The following LRRFIP1 variants were observed in gnomAD, a reference collection of about 807,000 sequenced individuals.
The protein encoded by LRRFIP1 is LRR binding FLII interacting protein 1.
A neutral mutation model predicts 104.4 loss-of-function variants in LRRFIP1; 62 were observed. That is an observed-to-expected ratio of 0.59 (90% confidence interval 0.48 to 0.73). The LOEUF is 0.73. Among genes scored for constraint, LRRFIP1 ranks in the 30% least tolerant of loss-of-function variants. The pLI is 0.00. For missense variants in LRRFIP1, 796 were observed against 824.5 expected, an observed-to-expected ratio of 0.97 and a Z score of 0.42; for synonymous variants, 300 against 299.0, an observed-to-expected ratio of 1.00 and a Z score of -0.03.
chr2:237,721,701 T>A (rs898271394), intron 6 of LRRFIP1: 5 of 152,250 alleles, frequency 3.3e-5, no homozygotes, highest in African/African-American at 1.2e-4. Flanking sequence ...GCACTGAGTG[T>A]GCATGTAATT....
At position 237,658,541 on chromosome 2, in the gene LRRFIP1, T is replaced by G. The variant is rs551266703; in HGVS notation, c.96+30801T>G. ...CTGTTTTCATACTACTGTAAAGAAC[T>G]GCCCAAGACTGGGTAATTTATAAAG... On this transcript the variant is annotated intron_variant, in intron 1 of 23. Transcript: ENST00000308482. Among the ~76,000 whole-genome samples the G allele has an allele frequency of 4.6e-5, 7 of 152,334 alleles. No homozygotes were observed. In the South Asian group the frequency reaches 1.4e-3, roughly 32 times the overall value.
At chr2:237,704,372 T>C (rs2093701311) in intron 1 of LRRFIP1, among the ~76,000 whole-genome samples, 2 of 152,100 alleles carry the variant, frequency 1.3e-5, no homozygotes, top group African/African-American at 4.8e-5. Context: ...CAGGCTGGTC[T>C]CAATCTCCCG....
At chr2:237,700,272 CTCCAGGAGCTTGATTCCTTCTT>C (rs2149879419) in intron 1 of LRRFIP1, among the ~76,000 whole-genome samples, 2 of 152,282 alleles carry the variant, frequency 1.3e-5, no homozygotes, top group East Asian at 1.9e-4. Context: ...ACCACGGCCC[CTCCAGGAGCTTGATTCCTTCTT>C]AGCTCAGGGG....
intron 1 of LRRFIP1, among the ~76,000 whole-genome samples, chr2:237,681,290 A>G (rs1277663612): frequency 6.6e-6 from 1 of 152,190 alleles, no homozygotes; most frequent in Non-Finnish European, 1.5e-5. Flanking sequence ...CAGTTCTACC[A>G]CTTCGGCAGA....
At chr2:237,681,384 T>C (rs909036125) in intron 1 of LRRFIP1, among the ~76,000 whole-genome samples, 2 of 152,186 alleles carry the variant, frequency 1.3e-5, no homozygotes, top group Non-Finnish European at 2.9e-5. Context: ...TTTTCTTTTT[T>C]GAGATGGAGT....
chr2:237,722,487 A>G (rs1321317407), intron 6 of LRRFIP1, among the ~76,000 whole-genome samples: 1 of 152,236 alleles, frequency 6.6e-6, no homozygotes, highest in Non-Finnish European at 1.5e-5. Flanking sequence ...ATTTTTAACC[A>G]GAAATAAGTT....
intron 1 of LRRFIP1, among the ~76,000 whole-genome samples, chr2:237,688,034 G>A (rs1158344312): frequency 6.6e-6 from 1 of 152,224 alleles, no homozygotes; most frequent in Admixed American, 6.5e-5. Context: ...ATTAGACCAT[G>A]CTACTGGCCT....
intron 20 of LRRFIP1, among the ~76,000 whole-genome samples, chr2:237,771,521 G>C (rs1368031620): frequency 1.5e-5 from 2 of 136,976 alleles, no homozygotes; most frequent in African/African-American, 5.4e-5. Context: ...AGCATCCACA[G>C]ATTTGGTGTC....
intron 1 of LRRFIP1, among the ~76,000 whole-genome samples, chr2:237,633,858 A>G (rs1202505219): frequency 6.6e-6 from 1 of 151,922 alleles, no homozygotes; most frequent in East Asian, 1.9e-4. Context: ...TATGTCCTGC[A>G]GGCAAGCCAC....
intron 15 of LRRFIP1, among the ~76,000 whole-genome samples, chr2:237,754,588 C>T (rs1219149274): frequency 6.6e-6 from 1 of 152,198 alleles, no homozygotes; most frequent in African/African-American, 2.4e-5. Context: ...TTGTTTTTAA[C>T]TGGCTATTAT....
chr2:237,646,961 T>A (rs2085019593), intron 1 of LRRFIP1, among the ~76,000 whole-genome samples: 1 of 152,022 alleles, frequency 6.6e-6, no homozygotes, highest in African/African-American at 2.4e-5. Flanking sequence ...CTTGCTGTAT[T>A]GCTCTGTTGA....
At chr2:237,706,207 G>C in intron 1 of LRRFIP1, among the ~76,000 whole-genome samples, 1 of 152,092 alleles carries the variant, frequency 6.6e-6, no homozygotes, top group East Asian at 1.9e-4. Flanking sequence ...AGAGGGGTAT[G>C]CAGGGCGTGT....
intron 19 of LRRFIP1, among the ~76,000 whole-genome samples, chr2:237,761,636 A>G (rs774530541): frequency 2.6e-5 from 4 of 152,254 alleles, no homozygotes; most frequent in Non-Finnish European, 5.9e-5. Flanking sequence ...CTACATATGT[A>G]TACTATTTCA....
At chr2:237,676,005 C>A (rs184985087) in intron 1 of LRRFIP1, among the ~76,000 whole-genome samples, 2 of 152,240 alleles carry the variant, frequency 1.3e-5, no homozygotes, top group East Asian at 1.9e-4. Flanking sequence ...CCATTTTAAC[C>A]ATTTTTAGGT....
At chr2:237,734,494 G>A (rs1399530249) in intron 9 of LRRFIP1, among the ~76,000 whole-genome samples, 1 of 151,912 alleles carries the variant, frequency 6.6e-6, no homozygotes, top group Non-Finnish European at 1.5e-5. Context: ...TGGCCAGGCT[G>A]GTCTCAAACT....
At chr2:237,629,886 T>C (rs983512245) in intron 1 of LRRFIP1, among the ~76,000 whole-genome samples, 5 of 152,150 alleles carry the variant, frequency 3.3e-5, no homozygotes, top group Non-Finnish European at 7.4e-5. Flanking sequence ...GTTACAGAGA[T>C]AGACTTGTGA....
intron 22 of LRRFIP1, among the ~76,000 whole-genome samples, chr2:237,773,584 C>T (rs909023459): frequency 2.0e-5 from 3 of 152,056 alleles, no homozygotes; most frequent in African/African-American, 7.2e-5. Context: ...ATTAAAAAAA[C>T]ACATCATACT....
At chr2:237,688,913 G>A (rs2092584063) in intron 1 of LRRFIP1, among the ~76,000 whole-genome samples, 1 of 151,984 alleles carries the variant, frequency 6.6e-6, no homozygotes, top group South Asian at 2.1e-4. Context: ...AACATTTTGT[G>A]TATCTCCATG....
chr2:237,646,201 T>C (rs563045051), intron 1 of LRRFIP1, among the ~76,000 whole-genome samples: 24 of 152,054 alleles, frequency 1.6e-4, no homozygotes, highest in African/African-American at 5.3e-4. Context: ...ATTTACTAGC[T>C]ATTTTCCTCC....
Sources: allele counts gnomAD v4.1 joint callset (sites outside exome capture counted in the v4.1 genomes callset), GRCh38; gene constraint gnomAD v4.1.1; transcripts MANE v1.5; gene names NCBI Gene and HGNC (gene_info 2026-07-23, HGNC 2026-07-21).